Variants in FERMT2 observed in about 807,000 individuals in gnomAD.
FERMT2 encodes FERM domain containing kindlin 2, also known as fermitin family homolog 2.
A neutral mutation model predicts 82.7 loss-of-function variants in FERMT2; 15 were observed. The ratio of observed to expected loss-of-function variants is 0.18; its 90% CI spans 0.12 to 0.28. The LOEUF is 0.28. Ranked by LOEUF, FERMT2 falls within the 10% of genes least tolerant of loss-of-function variation. FERMT2 has a pLI of 1.00. For missense variants in FERMT2, 645 were observed against 809.4 expected, an observed-to-expected ratio of 0.80 and a Z score of 2.46; for synonymous variants, 274 against 271.5, an observed-to-expected ratio of 1.01 and a Z score of -0.09.
chr14:52,873,009 A>T (rs1223498490), intron 9 of FERMT2, 86 bp from the exon 10 acceptor site: 6 of 1,328,376 alleles, frequency 4.5e-6, no homozygotes, highest in Non-Finnish European at 5.3e-6. Flanking sequence ...ATATTAATTT[A>T]AGTCTGGGGT....
chr14:52,939,898 C>G (rs1890016112), intron 2 of FERMT2, among the ~76,000 whole-genome samples: 1 of 152,200 alleles, frequency 6.6e-6, no homozygotes, highest in East Asian at 1.9e-4. Context: ...GAAGCACTTA[C>G]CCAGTAGACA....
At chr14:52,902,910 T>TAAAAAAAAAAAA (rs1887759333) in intron 3 of FERMT2, among the ~76,000 whole-genome samples, 1 of 45,756 alleles carries the variant, frequency 2.2e-5, no homozygotes. Context: ...CACTGAAAAT[T>TAAAAAAAAAAAA]AAAATGTGAT....
At chr14:52,877,075 A>T (rs1429694784) in intron 7 of FERMT2, among the ~76,000 whole-genome samples, 1 of 152,110 alleles carries the variant, frequency 6.6e-6, no homozygotes, top group Non-Finnish European at 1.5e-5. Context: ...GAATCATGCC[A>T]TTCCTGTGAG....
intron 2 of FERMT2, among the ~76,000 whole-genome samples, chr14:52,925,329 A>G (rs866906548): frequency 6.6e-6 from 1 of 152,128 alleles, no homozygotes; most frequent in Non-Finnish European, 1.5e-5. Context: ...AGGTGGGCAA[A>G]TCACTTGAGG....
chr14:52,923,424 G>GA, intron 2 of FERMT2, among the ~76,000 whole-genome samples: 1 of 152,120 alleles, frequency 6.6e-6, no homozygotes, highest in Admixed American at 6.5e-5. Flanking sequence ...AGAAAGAAAA[G>GA]AAAAGAAAAC....
chr14:52,908,020 TA>T (rs1888114071), intron 3 of FERMT2, among the ~76,000 whole-genome samples: 1 of 152,178 alleles, frequency 6.6e-6, no homozygotes, highest in African/African-American at 2.4e-5. Context: ...CAGCCTAATT[TA>T]AAGACGGACA....
chr14:52,879,306 C>T (rs193246075), intron 6 of FERMT2, among the ~76,000 whole-genome samples: 34 of 152,150 alleles, frequency 2.2e-4, no homozygotes, highest in Non-Finnish European at 3.8e-4. Flanking sequence ...AAGAATACTG[C>T]AGATTGAGTA....
intron 2 of FERMT2, among the ~76,000 whole-genome samples, chr14:52,936,571 T>A (rs950593388): frequency 3.9e-5 from 6 of 152,142 alleles, no homozygotes; most frequent in Non-Finnish European, 8.8e-5. Context: ...TGCTCCCCCA[T>A]CATCACCAGA....
At chr14:52,920,657 G>T (rs960614430) in intron 2 of FERMT2, among the ~76,000 whole-genome samples, 2 of 151,104 alleles carry the variant, frequency 1.3e-5, no homozygotes, top group African/African-American at 4.9e-5. Context: ...CCAGGGGAAG[G>T]AAAAACATGT....
intron 3 of FERMT2, among the ~76,000 whole-genome samples, chr14:52,895,974 T>C (rs1044529856): frequency 6.6e-6 from 1 of 152,208 alleles, no homozygotes; most frequent in African/African-American, 2.4e-5. Context: ...TAGGGTCTTG[T>C]CATGATGCCC....
intron 2 of FERMT2, among the ~76,000 whole-genome samples, chr14:52,932,690 TTC>T (rs1416724041): frequency 6.6e-6 from 1 of 152,188 alleles, no homozygotes; most frequent in Non-Finnish European, 1.5e-5. Context: ...TTGGAATAAC[TTC>T]TGAGTCATTC....
chr14:52,948,008 G>A (rs977671964), intron 2 of FERMT2, among the ~76,000 whole-genome samples: 1 of 152,230 alleles, frequency 6.6e-6, no homozygotes. Context: ...GTTTGAAAAT[G>A]TAAGTGAATG....
At chr14:52,878,536 C>A in intron 7 of FERMT2, 46 bp downstream of exon 7, 1 of 1,171,250 alleles carries the variant, frequency 8.5e-7, no homozygotes, top group South Asian at 1.3e-5. Context: ...AAATACCTCC[C>A]TACCCTTTAC....
chr14:52,940,439 T>TAC (rs1235423978), intron 2 of FERMT2, among the ~76,000 whole-genome samples: 1 of 152,236 alleles, frequency 6.6e-6, no homozygotes, highest in Non-Finnish European at 1.5e-5. Flanking sequence ...CTAGGTGAGT[T>TAC]ACTATGAACA....
At chr14:52,901,280 C>CAAAAAAAAA (rs10638877) in intron 3 of FERMT2, among the ~76,000 whole-genome samples, 1 of 57,256 alleles carries the variant, frequency 1.7e-5, no homozygotes, top group Non-Finnish European at 2.9e-5. Context: ...GACTCTGTCT[C>CAAAAAAAAA]AAAAAAAAAA....
At chr14:52,922,575 C>T (rs953343766) in intron 2 of FERMT2, among the ~76,000 whole-genome samples, 13 of 152,158 alleles carry the variant, frequency 8.5e-5, no homozygotes, top group African/African-American at 2.9e-4. Flanking sequence ...GGAGTAGGTG[C>T]TAAAACATAG....
intron 7 of FERMT2, among the ~76,000 whole-genome samples, chr14:52,877,978 G>A (rs1886072220): frequency 1.3e-5 from 2 of 152,170 alleles, no homozygotes; most frequent in African/African-American, 4.8e-5. Flanking sequence ...TCATGAAGTG[G>A]ATAATTAATT....
At chr14:52,902,711 A>C (rs1210921131) in intron 3 of FERMT2, among the ~76,000 whole-genome samples, 1 of 150,892 alleles carries the variant, frequency 6.6e-6, no homozygotes, top group Non-Finnish European at 1.5e-5. Context: ...TCTACTAAAA[A>C]TATAAAAATG....
chr14:52,904,170 C>T (rs1047529250), intron 3 of FERMT2, among the ~76,000 whole-genome samples: 6 of 152,134 alleles, frequency 3.9e-5, no homozygotes, highest in African/African-American at 7.2e-5. Flanking sequence ...CACCTGCGGT[C>T]AGGAGTTTGA....
Sources: gnomAD v4.1 joint callset for allele counts (sites outside exome capture counted in the v4.1 genomes callset) on GRCh38, gnomAD v4.1.1 for gene constraint, MANE v1.5 for transcripts, NCBI Gene and HGNC (gene_info 2026-07-23, HGNC 2026-07-21) for gene names.